PCDHGB4: variants seen among roughly 807,000 people sequenced by gnomAD.
The protein encoded by PCDHGB4 is protocadherin gamma subfamily B, 4, also known as protocadherin gamma-B4.
Under a neutral mutation model 60.5 loss-of-function variants are expected in PCDHGB4, and 38 were observed. The ratio of observed to expected loss-of-function variants is 0.63; its 90% confidence interval spans 0.48 to 0.82. The LOEUF (loss-of-function observed/expected upper bound fraction) is 0.82, where lower values mean the gene tolerates loss of function less well. Among genes scored for constraint, PCDHGB4 ranks in the 40% least tolerant of loss-of-function variants. The pLI is 0.00. For missense variants in PCDHGB4, 1,109 were observed against 1,209.6 expected (o/e 0.92, Z 1.23); for synonymous variants, 456 against 509.7 (o/e 0.89, Z 1.42).
Position 141,489,323 on chromosome 5 carries a change from C to T in PCDHGB4, c.2398-5484C>T, listed in dbSNP as rs746520513. 1 of 1,601,632 alleles carries T rather than the reference C, an allele frequency of 6.2e-7. No individual in the cohort carries two copies. Among genetic ancestry groups the T allele is most frequent in the Non-Finnish European group, 8.5e-7 (1 of 1,172,950 alleles). ...TCCTTGTGCTGCTGGGGCTGGGTGT[C>T]TGGGCAGCTTCGTTACTCAGTGGTG... On this transcript the variant is annotated intron_variant, in intron 1 of 3. Coordinates refer to ENST00000519479, the MANE Select transcript of PCDHGB4 (RefSeq NM_003736.4). The surrounding 1 kb of genome is among the most constrained non-coding windows in gnomAD (Gnocchi z 4.5).
intron 1 of PCDHGB4, among the ~76,000 whole-genome samples, chr5:141,402,429 T>C (rs2094263946): frequency 6.6e-6 from 1 of 151,986 alleles, no homozygotes; most frequent in Admixed American, 6.6e-5. Flanking sequence ...AATTGAAGCA[T>C]CATAAAAAGG....
In PCDHGB4 at chr5:141,454,516, C is replaced by T. The variant is rs375583922; in HGVS notation, c.2398-40291C>T. On this transcript the variant is annotated intron_variant, in intron 1 of 3. Coordinates refer to ENST00000519479, the MANE Select transcript of PCDHGB4 (RefSeq NM_003736.4). Reference sequence around the variant, plus strand: ...CCACCTCCTGGATTCAGGCAGTTCTCCTGCCTCAGCCTCCCAAGTAGCTGA... The same window carrying T: ...CCACCTCCTGGATTCAGGCAGTTCTTCTGCCTCAGCCTCCCAAGTAGCTGA... Among the ~76,000 whole-genome samples the T allele has an allele frequency of 1.2e-4, 18 of 152,288 alleles. No individual in the cohort carries two copies. In the East Asian group the frequency reaches 3.1e-3, roughly 26 times the overall value.
intron 1 of PCDHGB4, among the ~76,000 whole-genome samples, chr5:141,459,324 T>G (rs2098966238): frequency 6.6e-6 from 1 of 152,226 alleles, no homozygotes; most frequent in African/African-American, 2.4e-5. Flanking sequence ...ATCCATCTTC[T>G]TTTACTCCAA....
At chr5:141,492,637 C>T (rs2099742781) in intron 1 of PCDHGB4, among the ~76,000 whole-genome samples, 1 of 152,260 alleles carries the variant, frequency 6.6e-6, no homozygotes, top group South Asian at 2.1e-4. Context: ...CTCTACGATC[C>T]TTGGGCCAGA....
chr5:141,453,214 A>T (rs1174586625), intron 1 of PCDHGB4, among the ~76,000 whole-genome samples: 2 of 152,058 alleles, frequency 1.3e-5, no homozygotes, highest in African/African-American at 4.8e-5. Flanking sequence ...CGTGCACTTA[A>T]GCGATCCTCC....
chr5:141,489,191 T>C lies in PCDHGB4; in HGVS notation c.2398-5616T>C. On this transcript the variant is annotated intron_variant, in intron 1 of 3. Coordinates refer to ENST00000519479, the MANE Select transcript of PCDHGB4 (RefSeq NM_003736.4). The surrounding 1 kb of genome is among the most constrained non-coding windows in gnomAD (Gnocchi z 4.5). ...CTGCATTCCAAGCCCTGGGTCTACC[T>C]TGGAGACAGGACAGCACAGACTTAC... The C allele has an allele frequency of 7.3e-7, 1 of 1,364,400 alleles. No homozygotes were observed. Among genetic ancestry groups the C allele is most frequent in the Middle Eastern group, 1.9e-4 (1 of 5,334 alleles). The allele number at this position is 1,364,400 out of a possible 1,614,324, so 84.5% of individuals were successfully genotyped here. A position where few individuals can be genotyped will look rare whatever the true frequency, so the allele number is the denominator to read the frequency against.
chr5:141,415,740 G>GTTTTTTTTTTTTTTTTTTTTT (rs57426385), intron 1 of PCDHGB4: 5 of 625,024 alleles, frequency 8.0e-6, no homozygotes, highest in Non-Finnish European at 8.5e-6. Flanking sequence ...GTTTATTAAG[G>GTTTTTTTTTTTTTTTTTTTTT]TTTTTTTTTT....
Position 141,408,446 on chromosome 5 carries a change from G to A in PCDHGB4, c.2397+18165G>A, listed in dbSNP as rs371079756. 1.7e-5 allele frequency: 28 copies of A among 1,613,946 alleles called. No individual in the cohort carries two copies. Among genetic ancestry groups the A allele is most frequent in the Non-Finnish European group, 1.1e-5 (13 of 1,179,916 alleles). On this transcript the variant is annotated intron_variant, in intron 1 of 3. Transcript: ENST00000519479. ...GCACTTCAGCGTAGACGCGGAGAGC[G>A]GGGACTTACTTGTGAAGAACCGAAT...
intron 2 of PCDHGB4, among the ~76,000 whole-genome samples, chr5:141,505,113 G>A (rs1254889990): frequency 6.6e-6 from 1 of 152,178 alleles, no homozygotes; most frequent in East Asian, 1.9e-4. Context: ...AATGAGCCAA[G>A]ATCGCGCCAC....
At position 141,490,646 on chromosome 5, in the gene PCDHGB4, C is replaced by G. The variant is rs202183643; in HGVS notation, c.2398-4161C>G. The G allele has an allele frequency of 8.7e-6, 14 of 1,614,068 alleles. No homozygotes were observed. In the African/African-American group the frequency reaches 1.7e-4, roughly 20 times the overall value. ...GCTTACATCCTAGAAAACCGGCCTC[C>G]GGGCTCCCTTCTTTGCACTGTGGCT... On this transcript the variant is annotated intron_variant, in intron 1 of 3. Coordinates refer to ENST00000519479, the MANE Select transcript of PCDHGB4 (RefSeq NM_003736.4). This position sits in a 1 kb window ranked among gnomAD's most constrained non-coding sequence, Gnocchi z 5.4.
In PCDHGB4 at chr5:141,394,984, T is replaced by C. The variant is rs777878747; in HGVS notation, c.2397+4703T>C. On this transcript the variant is annotated intron_variant, in intron 1 of 3. Transcript: ENST00000519479. ...CTGAGGCGCTGGCACAAGTCACGCC[T>C]GCTCCAGGATTCCGGTGGCAGATTG... 5 of 1,614,026 alleles carry C rather than the reference T, an allele frequency of 3.1e-6. 1 individual carries two copies. In the South Asian group the frequency reaches 4.4e-5, roughly 14 times the overall value.
chr5:141,485,587 G>C lies in PCDHGB4; in HGVS notation c.2398-9220G>C. 6.2e-7 allele frequency: 1 copy of C among 1,612,652 alleles called. No individual in the cohort carries two copies. The highest frequency in any genetic ancestry group is 1.7e-5 in the Admixed American group (1 of 59,982). On this transcript the variant is annotated intron_variant, in intron 1 of 3. Coordinates refer to ENST00000519479, the MANE Select transcript of PCDHGB4 (RefSeq NM_003736.4). This position sits in a 1 kb window ranked among gnomAD's most constrained non-coding sequence, Gnocchi z 5.7. ...CCCCCCGTTTTCCGCGGCAGCAGCT[G>C]GACTTGGAAATTGGGGAGGCAGCTC... is the stretch of plus-strand genomic sequence containing the variant.
intron 1 of PCDHGB4, chr5:141,400,348 C>T (rs745917638): frequency 1.9e-6 from 3 of 1,614,050 alleles, no homozygotes; most frequent in South Asian, 1.1e-5. Context: ...CAACTACAGT[C>T]AGGGGACTTT....
chr5:141,476,225 A>G lies in PCDHGB4; in HGVS notation c.2398-18582A>G, dbSNP rs1414835001. ...GGCTTCCACGGTCATTCACTATGAG[A>G]TCCCGGAGGAAAGAGAGAAGGGTTT... On this transcript the variant is annotated intron_variant, in intron 1 of 3. Transcript: ENST00000519479. This position sits in a 1 kb window ranked among gnomAD's most constrained non-coding sequence, Gnocchi z 7.6. 3 of 1,613,882 alleles carry G rather than the reference A, an allele frequency of 1.9e-6. No homozygotes were observed. The highest frequency in any genetic ancestry group is 2.5e-6 in the Non-Finnish European group (3 of 1,180,012).
At chr5:141,399,509 A>G in intron 1 of PCDHGB4, 13 of 1,613,968 alleles carry the variant, frequency 8.1e-6, no homozygotes, top group Non-Finnish European at 1.1e-5. Flanking sequence ...CCCGAAAACA[A>G]CCCTCCTGGG....
intron 1 of PCDHGB4, among the ~76,000 whole-genome samples, chr5:141,460,256 C>T (rs1315761341): frequency 6.6e-6 from 1 of 151,704 alleles, no homozygotes; most frequent in Admixed American, 6.6e-5. Context: ...TTGATAAAGC[C>T]CAATTTATTT....
intron 1 of PCDHGB4, chr5:141,413,488 C>T (rs2095648022): frequency 3.1e-6 from 5 of 1,613,868 alleles, no homozygotes; most frequent in Non-Finnish European, 3.4e-6. Context: ...TCAGAGCGCG[C>T]GGTGCGTGGT....
chr5:141,483,509 C>A (rs2099582178), intron 1 of PCDHGB4, among the ~76,000 whole-genome samples: 1 of 147,450 alleles, frequency 6.8e-6, no homozygotes, highest in African/African-American at 2.5e-5. Flanking sequence ...AGGCTGATCC[C>A]CCTAGATCCT....
rs768265171 is a variant in PCDHGB4, at chr5:141,432,847, G to T, written c.2397+42566G>T. The T allele has an allele frequency of 6.2e-7, 1 of 1,614,180 alleles. No homozygotes were observed. On this transcript the variant is annotated intron_variant, in intron 1 of 3. Transcript: ENST00000519479. The surrounding 1 kb of genome is among the most constrained non-coding windows in gnomAD (Gnocchi z 6.0). ...ACCTCACTCTGTACCTGGTGGTAGC[G>T]GTGGCCGCGGTCTCCTGCGTCTTCC...
Sources: gnomAD v4.1 joint callset for allele counts (sites outside exome capture counted in the v4.1 genomes callset) on GRCh38, gnomAD v4.1.1 for gene constraint, Gnocchi (gnomAD v3.1) non-coding constraint, MANE v1.5 for transcripts, NCBI Gene and HGNC (gene_info 2026-07-23, HGNC 2026-07-21) for gene names.